FAF1: variants seen among roughly 807,000 people sequenced by gnomAD.
FAF1 encodes the protein FAS-associated factor 1.
A neutral mutation model predicts 92.5 loss-of-function variants in FAF1; 25 were observed. That is an observed-to-expected ratio of 0.27 (90% confidence interval 0.20 to 0.38). FAF1 has a LOEUF of 0.38. Ranked by LOEUF, FAF1 falls within the 10% of genes least tolerant of loss-of-function variation. The pLI is 1.00. For missense variants in FAF1, 636 were observed against 793.3 expected, an observed-to-expected ratio of 0.80 and a Z score of 2.38; for synonymous variants, 234 against 273.2, an observed-to-expected ratio of 0.86 and a Z score of 1.42.
chr1:50,545,459 G>A (rs1648964219), intron 13 of FAF1, among the ~76,000 whole-genome samples: 1 of 152,098 alleles, frequency 6.6e-6, no homozygotes, highest in East Asian at 1.9e-4. Flanking sequence ...AGTAGAGATG[G>A]GGTTGCACCA....
chr1:50,678,869 G>A (rs540347393), intron 7 of FAF1, among the ~76,000 whole-genome samples: 2 of 147,538 alleles, frequency 1.4e-5, no homozygotes, highest in East Asian at 2.0e-4. Flanking sequence ...GGCGGATCAC[G>A]AGGTCAGGAT....
At chr1:50,571,334 G>C (rs1007135272) in intron 12 of FAF1, among the ~76,000 whole-genome samples, 6 of 152,172 alleles carry the variant, frequency 3.9e-5, no homozygotes, top group Admixed American at 6.5e-5. Context: ...AAGTCTCCAA[G>C]CTTTAAAGTA....
At chr1:50,513,893 C>T (rs1476473203) in intron 15 of FAF1, among the ~76,000 whole-genome samples, 1 of 152,158 alleles carries the variant, frequency 6.6e-6, no homozygotes, top group Non-Finnish European at 1.5e-5. Flanking sequence ...ATATACAGCT[C>T]TTTCTGTTAT....
chr1:50,620,697 G>T (rs1653154636), intron 8 of FAF1, among the ~76,000 whole-genome samples: 1 of 152,230 alleles, frequency 6.6e-6, no homozygotes, highest in South Asian at 2.1e-4. Flanking sequence ...TGGTTTCACA[G>T]GTGTATATAT....
chr1:50,884,115 G>A (rs1407314942), intron 1 of FAF1, among the ~76,000 whole-genome samples: 2 of 152,012 alleles, frequency 1.3e-5, no homozygotes, highest in African/African-American at 2.4e-5. Flanking sequence ...ACGGAGCGAG[G>A]AAGTACTTAA....
intron 8 of FAF1, among the ~76,000 whole-genome samples, chr1:50,616,750 G>C (rs923125688): frequency 3.4e-5 from 5 of 148,974 alleles, no homozygotes; most frequent in Middle Eastern, 3.4e-3. Flanking sequence ...GCACAATCTT[G>C]GCTCACTGCA....
At chr1:50,751,518 A>G (rs1006846652) in intron 4 of FAF1, among the ~76,000 whole-genome samples, 6 of 151,956 alleles carry the variant, frequency 3.9e-5, no homozygotes, top group Non-Finnish European at 5.9e-5. Flanking sequence ...AAATTTTTGT[A>G]TTTTTAGTAG....
chr1:50,797,398 TAAA>T (rs1230752578), intron 3 of FAF1, among the ~76,000 whole-genome samples: 1 of 151,924 alleles, frequency 6.6e-6, no homozygotes, highest in Non-Finnish European at 1.5e-5. Flanking sequence ...ATACCTTTTT[TAAA>T]AAAAGATATT....
intron 8 of FAF1, among the ~76,000 whole-genome samples, chr1:50,636,114 C>G (rs1481567799): frequency 6.6e-6 from 1 of 152,116 alleles, no homozygotes; most frequent in East Asian, 1.9e-4. Context: ...GTTAAGGTCT[C>G]AGATCAACAT....
intron 18 of FAF1, among the ~76,000 whole-genome samples, chr1:50,470,439 A>C (rs927597858): frequency 1.3e-5 from 2 of 152,184 alleles, no homozygotes; most frequent in African/African-American, 2.4e-5. Context: ...ATTGGCCTTC[A>C]TATCTCTGAG....
In FAF1 at chr1:50,849,854, T is replaced by G. The variant is rs75881270; in HGVS notation, c.114+8075A>C. 3.3e-3 allele frequency among the ~76,000 whole-genome samples: 505 copies of G among 152,338 alleles called. 2 individuals carry two copies. The highest frequency in any genetic ancestry group is 0.011 in the African/African-American group (463 of 41,580). On this transcript the variant is annotated intron_variant, in intron 2 of 18. Transcript: ENST00000396153. ...TCATGGCTTTATTAAAGGTATCATA[T>G]AATGCATTTCCCCTGCTATATCTAT...
At chr1:50,485,104 T>TA (rs1207505671) in intron 17 of FAF1, among the ~76,000 whole-genome samples, 8 of 151,268 alleles carry the variant, frequency 5.3e-5, no homozygotes, top group Admixed American at 2.0e-4. Context: ...TAAAGTATAA[T>TA]AAAAAAAAGA....
At chr1:50,462,763 C>T (rs1646448633) in intron 18 of FAF1, among the ~76,000 whole-genome samples, 1 of 152,142 alleles carries the variant, frequency 6.6e-6, no homozygotes, top group Non-Finnish European at 1.5e-5. Context: ...TTGATTGGTG[C>T]TTGTTAGGAT....
At chr1:50,890,171 C>T (rs2124699328) in intron 1 of FAF1, among the ~76,000 whole-genome samples, 1 of 152,272 alleles carries the variant, frequency 6.6e-6, no homozygotes, top group Admixed American at 6.5e-5. Context: ...TTATCAGAGA[C>T]TAGGATTGCA....
At chr1:50,957,448 T>C (rs920882760) in intron 1 of FAF1, among the ~76,000 whole-genome samples, 1 of 149,336 alleles carries the variant, frequency 6.7e-6, no homozygotes, top group Non-Finnish European at 1.5e-5. Context: ...GCCTCCCAGG[T>C]TCACGCCATT....
chr1:50,743,868 C>T (rs1342883117), intron 5 of FAF1, among the ~76,000 whole-genome samples: 1 of 151,190 alleles, frequency 6.6e-6, no homozygotes, highest in Non-Finnish European at 1.5e-5. Flanking sequence ...GTCAGGAGTT[C>T]GAGACCAGCC....
chr1:50,473,031 C>G (rs1646596033), intron 18 of FAF1, among the ~76,000 whole-genome samples: 1 of 152,152 alleles, frequency 6.6e-6, no homozygotes, highest in South Asian at 2.1e-4. Context: ...GGACCAGCCT[C>G]TGTTCATTCT....
intron 9 of FAF1, among the ~76,000 whole-genome samples, chr1:50,586,828 T>C (rs1651256697): frequency 6.6e-6 from 1 of 152,216 alleles, no homozygotes; most frequent in Non-Finnish European, 1.5e-5. Context: ...ATCTGGAGAA[T>C]GAAGTTGCCT....
At chr1:50,507,170 C>A (rs1647069545) in intron 15 of FAF1, among the ~76,000 whole-genome samples, 1 of 152,120 alleles carries the variant, frequency 6.6e-6, no homozygotes, top group Admixed American at 6.6e-5. Flanking sequence ...CAGATGTGCA[C>A]TGAATTAAAC....
Sources: gnomAD v4.1 joint callset for allele counts (sites outside exome capture counted in the v4.1 genomes callset) on GRCh38, gnomAD v4.1.1 for gene constraint, MANE v1.5 for transcripts, NCBI Gene and HGNC (gene_info 2026-07-23, HGNC 2026-07-21) for gene names.